SV2C: variants seen among roughly 807,000 people sequenced by gnomAD.
SV2C encodes the protein solute carrier family 22 member B3.
Under a neutral mutation model 79.7 loss-of-function variants are expected in SV2C, and 49 were observed. The ratio of observed to expected loss-of-function variants is 0.61; its 90% CI spans 0.49 to 0.78. The LOEUF is 0.78. SV2C is among the 30% of genes least tolerant of loss of function. The pLI, the probability that SV2C is intolerant of heterozygous loss-of-function variation, is 0.00. For synonymous variants in SV2C, 334 were observed against 333.2 expected, an observed-to-expected ratio of 1.00 and a Z score of -0.03; for missense variants, 833 against 912.9, an observed-to-expected ratio of 0.91 and a Z score of 1.13.
intron 6 of SV2C, among the ~76,000 whole-genome samples, chr5:76,286,248 C>A (rs1747353767): frequency 6.6e-6 from 1 of 152,126 alleles, no homozygotes; most frequent in Non-Finnish European, 1.5e-5. Flanking sequence ...AGGTTCAGTA[C>A]CCGAGGACAA....
chr5:75,972,625 A>T, the SV2C span, among the ~76,000 whole-genome samples: 1 of 152,274 alleles, frequency 6.6e-6, no homozygotes, highest in East Asian at 1.9e-4. Context: ...AACCACAATG[A>T]GATACCATCT....
In SV2C at chr5:76,325,420, A is replaced by G; in HGVS notation, c.2057A>G (p.Asn686Ser). 6.2e-7 allele frequency: 1 copy of G among 1,614,170 alleles called. No individual in the cohort carries two copies. The highest frequency in any genetic ancestry group is 1.1e-5 in the South Asian group (1 of 91,084). Residue 686 changes from asparagine to serine, a missense_variant, in exon 13 of 13, where the codon AAC becomes AGC. By Grantham distance (46) the Asn-to-Ser change is conservative. Transcript: ENST00000502798. ...TGCAAGGCAGCAGCCGTCCTGGGAA[A>G]CTTAATATTTGGCTCTCTGGTCAGC... ...ALCKAAAVLG[N>S]LIFGSLVSIT...
the SV2C span, among the ~76,000 whole-genome samples, chr5:75,947,286 C>T: frequency 6.6e-6 from 1 of 151,876 alleles, no homozygotes; most frequent in Non-Finnish European, 1.5e-5. Flanking sequence ...AAAAGAGAAG[C>T]CTCCAAATTA....
the SV2C span, among the ~76,000 whole-genome samples, chr5:75,984,582 TCTATCTATCTATCTAC>T: frequency 0.05 from 6,212 of 123,028 alleles, 152 homozygotes; most frequent in Non-Finnish European, 0.072. Flanking sequence ...TATCTATCTA[TCTATCTATCTATCTAC>T]CTATCTATCT....
intron 12 of SV2C, among the ~76,000 whole-genome samples, chr5:76,341,000 G>A (rs1384952088): frequency 5.5e-5 from 8 of 145,828 alleles, no homozygotes; most frequent in African/African-American, 1.0e-4. Context: ...GTGCAATCTC[G>A]GCTCACTGCA....
intron 4 of SV2C, chr5:76,242,492 T>C (rs1414337796): frequency 2.3e-5 from 11 of 477,774 alleles, no homozygotes; most frequent in Non-Finnish European, 4.3e-5. Context: ...CCAGCCCAGT[T>C]TGCACTTTTA....
chr5:76,165,833 G>A (rs1265790850), intron 2 of SV2C, among the ~76,000 whole-genome samples: 1 of 152,172 alleles, frequency 6.6e-6, no homozygotes. Flanking sequence ...GGCAAGGTTG[G>A]GGCTGGGAGA....
At chr5:76,037,701 T>C in the SV2C span, among the ~76,000 whole-genome samples, 14 of 152,180 alleles carry the variant, frequency 9.2e-5, no homozygotes, top group Admixed American at 9.2e-4. Flanking sequence ...GTCTTTTTGT[T>C]TGTCTGTGCC....
chr5:76,349,932 G>C (rs532361686), intron 12 of SV2C, among the ~76,000 whole-genome samples: 5 of 152,266 alleles, frequency 3.3e-5, no homozygotes, highest in African/African-American at 9.6e-5. Flanking sequence ...ACTTGCTATA[G>C]CAAGTACAAG....
At chr5:76,346,216 C>A (rs868037451) in intron 12 of SV2C, among the ~76,000 whole-genome samples, 5 of 152,078 alleles carry the variant, frequency 3.3e-5, no homozygotes. Flanking sequence ...CTTAAGTGCG[C>A]ACATAATGGT....
intron 12 of SV2C, among the ~76,000 whole-genome samples, chr5:76,315,191 C>T (rs986324793): frequency 1.2e-5 from 1 of 81,660 alleles, no homozygotes; most frequent in East Asian, 6.6e-4. Context: ...GCCAGGCGCA[C>T]ACACACACAC....
the SV2C span, among the ~76,000 whole-genome samples, chr5:76,066,926 A>G: frequency 6.6e-6 from 1 of 152,098 alleles, no homozygotes; most frequent in African/African-American, 2.4e-5. Context: ...GCCATTGGCC[A>G]GTAGGGAGTT....
chr5:76,015,489 G>A, the SV2C span, among the ~76,000 whole-genome samples: 2 of 152,070 alleles, frequency 1.3e-5, no homozygotes, highest in South Asian at 2.1e-4. Context: ...CCTATCTTTA[G>A]TATAACCTAT....
chr5:76,283,661 C>T (rs1747261757), intron 4 of SV2C, among the ~76,000 whole-genome samples: 1 of 152,160 alleles, frequency 6.6e-6, no homozygotes, highest in Non-Finnish European at 1.5e-5. Context: ...ATACACCCTA[C>T]AGTTTATGAT....
At chr5:75,873,728 G>A in the SV2C span, among the ~76,000 whole-genome samples, 1 of 151,946 alleles carries the variant, frequency 6.6e-6, no homozygotes, top group Non-Finnish European at 1.5e-5. Flanking sequence ...TGAAGTAAAT[G>A]TTACCATTGA....
At chr5:76,281,121 G>C (rs1199939837) in intron 4 of SV2C, 1 of 542,002 alleles carries the variant, frequency 1.8e-6, no homozygotes. Context: ...ACCTTATACA[G>C]ATGACAAGAT....
At chr5:76,125,183 G>T (rs996587134) in intron 1 of SV2C, among the ~76,000 whole-genome samples, 1 of 152,144 alleles carries the variant, frequency 6.6e-6, no homozygotes, top group South Asian at 2.1e-4. Flanking sequence ...ATGACTTATT[G>T]CTTTAAAAAT....
At chr5:76,160,634 A>G (rs1332095535) in intron 2 of SV2C, among the ~76,000 whole-genome samples, 2 of 152,200 alleles carry the variant, frequency 1.3e-5, no homozygotes, top group African/African-American at 4.8e-5. Flanking sequence ...AAATATTTTC[A>G]AATTATATAT....
chr5:75,932,483 G>A, the SV2C span, among the ~76,000 whole-genome samples: 1 of 152,218 alleles, frequency 6.6e-6, no homozygotes, highest in Non-Finnish European at 1.5e-5. Flanking sequence ...TCAGAGCTGA[G>A]AGCCACAAAC....
Sources: allele counts gnomAD v4.1 joint callset (sites outside exome capture counted in the v4.1 genomes callset), GRCh38; gene constraint gnomAD v4.1.1; transcripts MANE v1.5; gene names NCBI Gene and HGNC (gene_info 2026-07-23, HGNC 2026-07-21).